The following HPS4 variants were observed in gnomAD, a reference collection of about 807,000 sequenced individuals.
HPS4 encodes HPS4 biogenesis of lysosomal organelles complex 3 subunit 2.
Under a neutral mutation model 70.3 loss-of-function variants are expected in HPS4, and 44 were observed. The observed-to-expected ratio is 0.63, with a 90% CI of 0.49 to 0.80. HPS4 has a LOEUF of 0.80. Among genes scored for constraint, HPS4 ranks in the 30% least tolerant of loss-of-function variants. HPS4 has a pLI of 0.00. For synonymous variants in HPS4, 377 were observed against 355.9 expected (o/e 1.06, Z -0.67); for missense variants, 873 against 884.4 (o/e 0.99, Z 0.16).
intron 11 of HPS4, among the ~76,000 whole-genome samples, chr22:26,459,792 A>G (rs921392416): frequency 6.6e-6 from 1 of 152,208 alleles, no homozygotes; most frequent in Non-Finnish European, 1.5e-5. Context: ...ACACATCCAA[A>G]AGTCCTTTGT....
rs797045615 is a variant in HPS4 at position 26,458,576 on chromosome 22, T to A, written c.1715A>T (p.Tyr572Phe). ...ATTCAGTGAAGCCAGGCTGCTGTGGTACTGCAAAGGGGGAGAGGGTCATGG... is the reference window on the plus strand; with the variant it reads ...ATTCAGTGAAGCCAGGCTGCTGTGGAACTGCAAAGGGGGAGAGGGTCATGG... The part of the protein sequence containing the change: ...LGDSAAIEEV[Y>F]HSSLASLNGL... Residue 572 changes from tyrosine to phenylalanine, a missense_variant and splice_region_variant, in exon 12 of 14, where the codon TAC (tyrosine) becomes TTC (phenylalanine). Transcript: ENST00000398145. 6.2e-7 allele frequency: 1 copy of A among 1,614,020 alleles called. No homozygotes were observed. The highest frequency in any genetic ancestry group is 1.7e-5 in the Admixed American group (1 of 60,002).
intron 12 of HPS4, 69 bp from the exon 13 acceptor site, chr22:26,458,036 C>T: frequency 8.1e-7 from 1 of 1,236,218 alleles, no homozygotes; most frequent in Non-Finnish European, 1.2e-6. Context: ...CCATGAAGCC[C>T]AGTACTGAAC....
At chr22:26,457,332 T>A (rs1329164112) in intron 13 of HPS4, among the ~76,000 whole-genome samples, 2 of 148,558 alleles carry the variant, frequency 1.3e-5, no homozygotes, top group African/African-American at 4.9e-5. Flanking sequence ...TTCTCCTGCC[T>A]CAGCCTCCTG....
Position 26,465,528 on chromosome 22 carries a change from G to C in HPS4, c.730C>G (p.Gln244Glu). The C allele has an allele frequency of 6.2e-7, 1 of 1,614,066 alleles. No individual in the cohort carries two copies. The highest frequency in any genetic ancestry group is 1.1e-5 in the South Asian group (1 of 91,080). Residue 244 changes from glutamine (Q) to glutamate (E), a missense_variant, in exon 10 of 14, where the codon CAG becomes GAG. Physicochemically the swap from Gln to Glu is conservative, Grantham distance 29. Transcript: ENST00000398145. ...TTGGTCACAAAAACAGGGATAATCT[G>C]GACATTCGGGGGCAATGCCGCTCCT... ...EHGAALPPNV[Q>E]IIPVFVTKEE...
rs1458651454 is a variant in HPS4 at position 26,455,314 on chromosome 22, A to G, written c.1956-1910T>C. Among the ~76,000 whole-genome samples the G allele has an allele frequency of 3.9e-5, 6 of 152,142 alleles. No individual in the cohort carries two copies. The East Asian group carries it at 1.2e-3, about 29-fold the overall frequency. ...TTATAGCGGCACTATTCACAATAGC[A>G]AAGATTTGGAACCAACCTAAATGTC... On this transcript the variant is annotated intron_variant, in intron 13 of 13. Transcript: ENST00000398145.
intron 6 of HPS4, among the ~76,000 whole-genome samples, chr22:26,472,054 C>T (rs867781237): frequency 1.3e-5 from 2 of 152,140 alleles, no homozygotes; most frequent in Non-Finnish European, 2.9e-5. Context: ...CTTTACTGAG[C>T]ATTTACTTGG....
intron 2 of HPS4, 91 bp downstream of exon 2, chr22:26,481,631 T>C: frequency 1.6e-6 from 2 of 1,221,582 alleles, no homozygotes; most frequent in Non-Finnish European, 2.4e-6. Context: ...TTAATAAAAT[T>C]AACACAATCT....
chr22:26,451,768 C>T lies in HPS4; in HGVS notation c.*1465G>A, dbSNP rs1336467078. ...AGTAAGACAACATTTATCCTAGCTT[C>T]GGATAGGATCCTCTTCCATCTAGGC... On this transcript the variant is annotated 3_prime_UTR_variant, in exon 14 of 14. Coordinates refer to ENST00000398145, the MANE Select transcript of HPS4 (RefSeq NM_022081.6). The T allele has an allele frequency of 6.6e-6, 1 of 152,262 alleles. No homozygotes were observed. The highest frequency in any genetic ancestry group is 1.5e-5 in the Non-Finnish European group (1 of 68,194). The allele number at this position is 152,262 out of a possible 1,614,324, so 9.4% of individuals were successfully genotyped here.
intron 2 of HPS4, among the ~76,000 whole-genome samples, chr22:26,480,163 G>T (rs1409142549): frequency 6.6e-6 from 1 of 151,960 alleles, no homozygotes. Flanking sequence ...CACCTCAAAG[G>T]CCAGGCCTCA....
chr22:26,466,011 A>G, intron 9 of HPS4: 1 of 1,485,920 alleles, frequency 6.7e-7, no homozygotes, highest in Non-Finnish European at 9.1e-7. Flanking sequence ...GAGGGTCTGA[A>G]AGCAGGGATT....
chr22:26,457,876 A>C lies in HPS4; in HGVS notation c.1938T>G (p.Leu646=). 6.2e-7 allele frequency: 1 copy of C among 1,614,208 alleles called. No individual in the cohort carries two copies. Among genetic ancestry groups the C allele is most frequent in the African/African-American group, 1.3e-5 (1 of 75,070 alleles). The change falls in exon 13 of 14, where the codon CTT becomes CTG. Residue 646 remains leucine, a synonymous_variant. Transcript: ENST00000398145. Reference sequence around the variant, plus strand: ...AGGCTCACCTGACAGTCATTTCATAAAGCGCGGGCAGCTGGGCAAATTCGC... The same window carrying C: ...AGGCTCACCTGACAGTCATTTCATACAGCGCGGGCAGCTGGGCAAATTCGC... ...MHSEFAQLPA[L]YEMTVRNAST...
chr22:26,452,459 T>G lies in HPS4; in HGVS notation c.*774A>C, dbSNP rs762464617. 16 of 436,724 alleles carry G rather than the reference T, an allele frequency of 3.7e-5. 1 individual carries two copies. The highest frequency in any genetic ancestry group is 3.4e-4 in the Middle Eastern group (1 of 2,972). 27.1% of individuals were successfully genotyped at this position (436,724 alleles called of 1,614,324 possible). A position where few individuals can be genotyped will look rare whatever the true frequency, so the allele number is the denominator to read the frequency against. ...CTTGTAAACTCCTATTTAGGGACACTCGCTCGAGAGGAACCAGCTGCACGG... is the reference window on the plus strand; with the variant it reads ...CTTGTAAACTCCTATTTAGGGACACGCGCTCGAGAGGAACCAGCTGCACGG... On this transcript the variant is annotated 3_prime_UTR_variant, in exon 14 of 14. Coordinates refer to ENST00000398145, the MANE Select transcript of HPS4 (RefSeq NM_022081.6).
At position 26,458,437 on chromosome 22, in the gene HPS4, G is replaced by T; in HGVS notation, c.1846+8C>A. The T allele has an allele frequency of 6.2e-7, 1 of 1,614,162 alleles. No homozygotes were observed. Among genetic ancestry groups the T allele is most frequent in the Non-Finnish European group, 8.5e-7 (1 of 1,180,028 alleles). On this transcript the variant is annotated splice_region_variant and intron_variant, in intron 12 of 13. Coordinates refer to ENST00000398145, the MANE Select transcript of HPS4 (RefSeq NM_022081.6). The stretch of plus-strand genomic sequence containing the variant: ...CCCGTCGCCCCAGGCCCCTTGGCTG[G>T]TTCTTACCCATCAGCAAGCTCTGAA...
rs367888424 is a variant in HPS4, at chr22:26,463,997, T to C, written c.1633A>G (p.Thr545Ala). Reference sequence around the variant, plus strand: ...AGCACCAGCCCTTTGACGCAGTGAGTGTAGAGATTCATCCTCACGAGCCCC... The same window carrying C: ...AGCACCAGCCCTTTGACGCAGTGAGCGTAGAGATTCATCCTCACGAGCCCC... ...CMGLVRMNLY[T>A]HCVKGLVLSL... Residue 545 changes from threonine (T) to alanine (A), a missense_variant, in exon 11 of 14, where the codon ACT becomes GCT. Thr to Ala is a moderately conservative substitution (Grantham distance 58). Coordinates refer to ENST00000398145, the MANE Select transcript of HPS4 (RefSeq NM_022081.6). 6.2e-7 allele frequency: 1 copy of C among 1,614,172 alleles called. No individual in the cohort carries two copies. Among genetic ancestry groups the C allele is most frequent in the African/African-American group, 1.3e-5 (1 of 75,044 alleles).
chr22:26,481,992 C>T lies in HPS4; in HGVS notation c.-230G>A, dbSNP rs2091331514. Reference sequence around the variant, plus strand: ...TTCATGTATATTTCCATGCCTCTTACAACTCAGGGAGAAACTATAACAGAG... The same window carrying T: ...TTCATGTATATTTCCATGCCTCTTATAACTCAGGGAGAAACTATAACAGAG... On this transcript the variant is annotated 5_prime_UTR_variant, in exon 2 of 14. Transcript: ENST00000398145. 5.4e-6 allele frequency: 3 copies of T among 557,056 alleles called. No individual in the cohort carries two copies. In the Admixed American group the frequency reaches 8.9e-5, roughly 17 times the overall value. The allele number at this position is 557,056 out of a possible 1,614,324, so 34.5% of individuals were successfully genotyped here. A position where few individuals can be genotyped will look rare whatever the true frequency, so the allele number is the denominator to read the frequency against.
intron 6 of HPS4, chr22:26,471,172 C>G: frequency 2.5e-6 from 1 of 397,220 alleles, no homozygotes; most frequent in Non-Finnish European, 4.8e-6. Flanking sequence ...GAGGGTGTAT[C>G]CTATAAATAC....
At chr22:26,472,974 C>T (rs764114722) in intron 4 of HPS4, 35 bp from the exon 5 acceptor site, 21 of 1,588,270 alleles carry the variant, frequency 1.3e-5, no homozygotes, top group Non-Finnish European at 1.4e-5. Context: ...CAAGCATCTT[C>T]CTTCTCTTTG....
chr22:26,462,173 T>C (rs2087432376), intron 11 of HPS4, among the ~76,000 whole-genome samples: 1 of 150,714 alleles, frequency 6.6e-6, no homozygotes, highest in Non-Finnish European at 1.5e-5. Flanking sequence ...TTCTCTTCCA[T>C]AAAACTGCAG....
At position 26,463,898 on chromosome 22, in the gene HPS4, A is replaced by G. The variant is rs1485180319; in HGVS notation, c.1713+19T>C. 5 of 1,611,308 alleles carry G rather than the reference A, an allele frequency of 3.1e-6. No homozygotes were observed. Among genetic ancestry groups the G allele is most frequent in the Non-Finnish European group, 4.2e-6 (5 of 1,179,426 alleles). On this transcript the variant is annotated intron_variant, in intron 11 of 13. Transcript: ENST00000398145. ...GGCAGAGGCCGCAGAGGGGCAGGAG[A>G]AGGTCTGAGGACACTCACCACTTCC... is the stretch of plus-strand genomic sequence containing the variant.
Sources: allele counts gnomAD v4.1 joint callset (sites outside exome capture counted in the v4.1 genomes callset), GRCh38; gene constraint gnomAD v4.1.1; transcripts MANE v1.5; gene names NCBI Gene and HGNC (gene_info 2026-07-23, HGNC 2026-07-21).